Variants in ACAN observed in about 807,000 individuals in gnomAD.
ACAN encodes the protein aggrecan core protein.
In ACAN, 47 loss-of-function variants were observed where a neutral mutation model predicts 169.1. That is an observed-to-expected ratio of 0.28 (90% CI 0.22 to 0.35). The LOEUF (loss-of-function observed/expected upper bound fraction) is 0.35, where lower values mean the gene tolerates loss of function less well. Among genes scored for constraint, ACAN ranks in the 10% least tolerant of loss-of-function variants. The pLI, the probability that ACAN is intolerant of heterozygous loss-of-function variation, is 1.00. For missense variants in ACAN, 2,716 were observed against 2,759.9 expected (o/e 0.98, Z 0.36); for synonymous variants, 1,115 against 1,112.2 (o/e 1.00, Z -0.05).
rs766146982 is a variant in ACAN at position 88,845,681 on chromosome 15, A to G, written c.1228A>G (p.Ser410Gly). 3.7e-6 allele frequency: 6 copies of G among 1,614,028 alleles called. No homozygotes were observed. The Admixed American group carries it at 1.0e-4, about 27-fold the overall frequency. ...TVKPIFEVSPSPLEPEEPFTF... is the reference protein window; with the variant it reads ...TVKPIFEVSPGPLEPEEPFTF... Reference sequence around the variant, plus strand: ...AAAGCCCATCTTCGAGGTCTCCCCCAGTCCCCTGGAACCCGAGGAGCCCTT... The same window carrying G: ...AAAGCCCATCTTCGAGGTCTCCCCCGGTCCCCTGGAACCCGAGGAGCCCTT... The change falls in exon 7 of 19, where the codon AGT becomes GGT. Residue 410 changes from serine to glycine, a missense_variant. Physicochemically the swap from Ser to Gly is moderately conservative, Grantham distance 56 (BLOSUM62 0). Around this residue, in one of 3 missense-constraint regions of ACAN, gnomAD observed 1,283 missense variants for 1,281.5 expected, o/e 1.00. Coordinates refer to ENST00000560601, the MANE Select transcript of ACAN (RefSeq NM_001369268.1).
Position 88,873,780 on chromosome 15 carries a change from A to G in ACAN, c.7448-62A>G. 6.4e-7 allele frequency: 1 copy of G among 1,557,696 alleles called. No homozygotes were observed. The highest frequency in any genetic ancestry group is 8.8e-7 in the Non-Finnish European group (1 of 1,141,808). On this transcript the variant is annotated intron_variant, in intron 17 of 18. Transcript: ENST00000560601. The surrounding 1 kb of genome is among the most constrained non-coding windows in gnomAD (Gnocchi z 7.5). ...GTCCCCCACAGTGCCTCGGGTCACA[A>G]CCAGCATAGGTCATCCCAGGAGACC...
chr15:88,804,277 G>A (rs1295105975), intron 1 of ACAN, among the ~76,000 whole-genome samples: 1 of 152,176 alleles, frequency 6.6e-6, no homozygotes, highest in Non-Finnish European at 1.5e-5. Context: ...CCTTCGCGGG[G>A]TCTGGAAGAA....
rs767128740 is a variant in ACAN, at chr15:88,857,775, T to A, written c.5190T>A (p.Pro1730=). ...CTCCTGATGTCAGTGGGGAAATACC[T>A]GGACTCTTTGGTGTCAGTGGACAGC... ...SGSPDVSGEI[P]GLFGVSGQPS... is the part of the protein sequence containing the mutation. Residue 1730 remains proline, a synonymous_variant, in exon 12 of 19, where the codon CCT becomes CCA. Transcript: ENST00000560601. 2.5e-6 allele frequency: 4 copies of A among 1,613,968 alleles called. No homozygotes were observed. Among genetic ancestry groups the A allele is most frequent in the Non-Finnish European group, 3.4e-6 (4 of 1,179,894 alleles).
At position 88,874,493 on chromosome 15, in the gene ACAN, A is replaced by T; in HGVS notation, c.*12A>T. On this transcript the variant is annotated 3_prime_UTR_variant, in exon 19 of 19. Transcript: ENST00000560601. This position sits in a 1 kb window ranked among gnomAD's most constrained non-coding sequence, Gnocchi z 7.3. ...GCACAGCCCACTGAGAAGAGCTTCC[A>T]GGACGCACCCAGGACGCTGAGCCCA... is the stretch of plus-strand genomic sequence containing the variant. The T allele has an allele frequency of 6.3e-7, 1 of 1,592,190 alleles. No individual in the cohort carries two copies. The highest frequency in any genetic ancestry group is 8.6e-7 in the Non-Finnish European group (1 of 1,169,520).
At chr15:88,813,059 G>A (rs145065938) in intron 1 of ACAN, among the ~76,000 whole-genome samples, 115 of 152,292 alleles carry the variant, frequency 7.6e-4, no homozygotes, top group Non-Finnish European at 1.2e-3. Flanking sequence ...ATATGCTGAT[G>A]GACCTTGGAA....
rs559634421 is a variant in ACAN at position 88,845,740 on chromosome 15, C to T, written c.1287C>T (p.Phe429=). 137 of 1,613,546 alleles carry T rather than the reference C, an allele frequency of 8.5e-5. No individual in the cohort carries two copies. In the East Asian group the frequency reaches 2.8e-3, roughly 33 times the overall value. The change falls in exon 7 of 19, where the codon TTC becomes TTT. Residue 429 remains phenylalanine, a synonymous_variant. Coordinates refer to ENST00000560601, the MANE Select transcript of ACAN (RefSeq NM_001369268.1). ...CCCCTGAAATAGGGGCCACTGCCTT[C>T]GCTGAGGTTGAGAATGAGACTGGAG... ...TFAPEIGATA[F]AEVENETGEA... is the part of the protein sequence containing the mutation.
In ACAN at chr15:88,843,612, G is replaced by C. The variant is rs746352037; in HGVS notation, c.1015G>C (p.Asp339His). The change falls in exon 6 of 19, where the codon GAC (aspartate) becomes CAC (histidine). Residue 339 changes from aspartate to histidine, a missense_variant. Physicochemically the swap from Asp to His is moderately conservative, Grantham distance 81. Coordinates refer to ENST00000560601, the MANE Select transcript of ACAN (RefSeq NM_001369268.1). The surrounding 1 kb of genome is among the most constrained non-coding windows in gnomAD (Gnocchi z 4.0). Reference sequence around the variant, plus strand: ...GCATGCCAACCAGACGGGCTACCCCGACCCCTCATCCCGCTACGACGCCAT... The same window carrying C: ...GCATGCCAACCAGACGGGCTACCCCCACCCCTCATCCCGCTACGACGCCAT... ...YVHANQTGYP[D>H]PSSRYDAICY... 2 of 1,595,284 alleles carry C rather than the reference G, an allele frequency of 1.3e-6. No individual in the cohort carries two copies. The highest frequency in any genetic ancestry group is 2.3e-5 in the East Asian group (1 of 44,316).
In ACAN at chr15:88,849,557, G is replaced by A. The variant is rs1567181145; in HGVS notation, c.1852G>A (p.Gly618Ser). The change falls in exon 10 of 19, where the codon GGC (glycine) becomes AGC (serine). Residue 618 changes from glycine to serine, a missense_variant. By Grantham distance (56) the Gly-to-Ser change is moderately conservative (BLOSUM62 0). Transcript: ENST00000560601. The surrounding 1 kb of genome is among the most constrained non-coding windows in gnomAD (Gnocchi z 5.1). Reference sequence around the variant, plus strand: ...CCAGCTCTACGCCGCCTGGAGCCGCGGCCTGGACAAGTGCTATGCCGGCTG... The same window carrying A: ...CCAGCTCTACGCCGCCTGGAGCCGCAGCCTGGACAAGTGCTATGCCGGCTG... Reference protein sequence around the residue: ...TGQLYAAWSRGLDKCYAGWLA... With the variant: ...TGQLYAAWSRSLDKCYAGWLA... The A allele has an allele frequency of 6.8e-6, 11 of 1,606,374 alleles. No homozygotes were observed. Among genetic ancestry groups the A allele is most frequent in the African/African-American group, 4.0e-5 (3 of 74,738 alleles).
chr15:88,834,163 A>G (rs1292975842), intron 1 of ACAN, among the ~76,000 whole-genome samples: 2 of 152,334 alleles, frequency 1.3e-5, no homozygotes, highest in East Asian at 3.9e-4. Flanking sequence ...CTAAGGAGAC[A>G]CAGGGGCTAC....
rs533963621 is a variant in ACAN at position 88,830,833 on chromosome 15, T to A, written c.-7-5367T>A. ...ACTGTACACTTAGGCTACACTAAAT[T>A]TGTAAAAATAAATAAAGTAATTGCA... On this transcript the variant is annotated intron_variant, in intron 1 of 18. Coordinates refer to ENST00000560601, the MANE Select transcript of ACAN (RefSeq NM_001369268.1). 5.0e-3 allele frequency among the ~76,000 whole-genome samples: 757 copies of A among 152,214 alleles called. 3 individuals carry two copies. The highest frequency in any genetic ancestry group is 0.031 in the Middle Eastern group (9 of 294).
chr15:88,821,148 C>T (rs1371736307), intron 1 of ACAN, among the ~76,000 whole-genome samples: 3 of 152,194 alleles, frequency 2.0e-5, no homozygotes, highest in Non-Finnish European at 4.4e-5. Flanking sequence ...ATTATGGGAA[C>T]TACAACTGAA....
intron 1 of ACAN, among the ~76,000 whole-genome samples, chr15:88,809,207 C>T (rs544029452): frequency 6.6e-6 from 1 of 152,288 alleles, no homozygotes; most frequent in South Asian, 2.1e-4. Flanking sequence ...GAAGGCTGCT[C>T]TTTGGGGCAG....
In ACAN at chr15:88,849,927, C is replaced by T; in HGVS notation, c.2026+196C>T. On this transcript the variant is annotated intron_variant, in intron 10 of 18. Coordinates refer to ENST00000560601, the MANE Select transcript of ACAN (RefSeq NM_001369268.1). This position sits in a 1 kb window ranked among gnomAD's most constrained non-coding sequence, Gnocchi z 5.1. ...GCAAGGTCATCCTTCTAAAGTTCCC[C>T]AGAGACAAGTAGAGATAAATAAGAA... The T allele has an allele frequency of 9.1e-6, 7 of 769,552 alleles. No individual in the cohort carries two copies. The Admixed American group carries it at 1.4e-4, about 16-fold the overall frequency. 47.7% of individuals were successfully genotyped at this position (769,552 alleles called of 1,614,324 possible). A position where few individuals can be genotyped will look rare whatever the true frequency, so the allele number is the denominator to read the frequency against.
At position 88,854,879 on chromosome 15, in the gene ACAN, G is replaced by A; in HGVS notation, c.2294G>A (p.Gly765Asp). Reference sequence around the variant, plus strand: ...ATCCTTCCTACTTGGCCTCCCACTGGCGCAGCAACAGAGGAAAGTACAGAA... The same window carrying A: ...ATCCTTCCTACTTGGCCTCCCACTGACGCAGCAACAGAGGAAAGTACAGAA... ...PGILPTWPPT[G>D]AATEESTEGP... The change falls in exon 12 of 19, where the codon GGC (glycine) becomes GAC (aspartate). Residue 765 changes from glycine (G) to aspartate (D), a missense_variant. Gly to Asp is a moderately conservative substitution (Grantham distance 94). Coordinates refer to ENST00000560601, the MANE Select transcript of ACAN (RefSeq NM_001369268.1). 6.6e-7 allele frequency: 1 copy of A among 1,508,476 alleles called. No homozygotes were observed. The highest frequency in any genetic ancestry group is 8.8e-7 in the Non-Finnish European group (1 of 1,134,130). The allele number at this position is 1,508,476 out of a possible 1,614,324, so 93.4% of individuals were successfully genotyped here.
chr15:88,856,911 C>T lies in ACAN; in HGVS notation c.4326C>T (p.Ala1442=), dbSNP rs1285184330. Residue 1442 remains alanine (A), a synonymous_variant, in exon 12 of 19, where the codon GCC becomes GCT. Transcript: ENST00000560601. ...CTGGAGAAGTTCTAGAGACTACTGCCCCTGGAGTAGAGGAGATCAGCGGGC... is the reference window on the plus strand; with the variant it reads ...CTGGAGAAGTTCTAGAGACTACTGCTCCTGGAGTAGAGGAGATCAGCGGGC... ...LPSGEVLETT[A]PGVEEISGLP... is the part of the protein sequence containing the mutation. 1 of 1,605,378 alleles carries T rather than the reference C, an allele frequency of 6.2e-7. No homozygotes were observed. Among genetic ancestry groups the T allele is most frequent in the Non-Finnish European group, 8.5e-7 (1 of 1,174,898 alleles).
chr15:88,840,271 G>C, intron 4 of ACAN, 85 bp downstream of exon 4: 1 of 1,438,134 alleles, frequency 7.0e-7, no homozygotes, highest in Non-Finnish European at 9.2e-7. Flanking sequence ...ACGTTGGCCA[G>C]CACTGAGCTG....
Position 88,829,690 on chromosome 15 carries a change from G to A in ACAN, c.-7-6510G>A, listed in dbSNP as rs754364252. ...AGGAATGGGGCACCTTGGTCCTTTC[G>A]AATCCATCTTCTAGGACTTAAGTCA... On this transcript the variant is annotated intron_variant, in intron 1 of 18. Transcript: ENST00000560601. Among the ~76,000 whole-genome samples, 11 of 152,254 alleles carry A rather than the reference G, an allele frequency of 7.2e-5. No individual in the cohort carries two copies. In the East Asian group the frequency reaches 1.5e-3, roughly 21 times the overall value.
Position 88,859,155 on chromosome 15 carries a change from G to T in ACAN, c.6570G>T (p.Thr2190=), listed in dbSNP as rs529706918. ...CAGGCTTGCCTTCAGCCACTCCCACGGCTTCTGGAGACAGGACTGAAATCA... is the reference window on the plus strand; with the variant it reads ...CAGGCTTGCCTTCAGCCACTCCCACTGCTTCTGGAGACAGGACTGAAATCA... ...EAPGLPSATP[T]ASGDRTEISG... The change falls in exon 12 of 19, where the codon ACG becomes ACT. Residue 2190 remains threonine, a synonymous_variant. Transcript: ENST00000560601. The T allele has an allele frequency of 2.8e-5, 45 of 1,613,796 alleles. 1 individual carries two copies. The Admixed American group carries it at 3.8e-4, about 14-fold the overall frequency.
intron 6 of ACAN, 99 bp from the exon 7 acceptor site, chr15:88,845,406 G>GGAA (rs1896766509): frequency 6.7e-7 from 1 of 1,484,864 alleles, no homozygotes; most frequent in East Asian, 2.3e-5. Flanking sequence ...GCCCCAGCAG[G>GGAA]GAAGGAGGGG....
Sources: allele counts gnomAD v4.1 joint callset (sites outside exome capture counted in the v4.1 genomes callset), GRCh38; gene constraint gnomAD v4.1.1; regional missense constraint gnomAD v4.1.1; non-coding constraint Gnocchi (gnomAD v3.1); transcripts MANE v1.5; gene names NCBI Gene and HGNC (gene_info 2026-07-23, HGNC 2026-07-21).